The following CNTNAP2 variants were observed in gnomAD, a reference collection of about 807,000 sequenced individuals.
The protein encoded by CNTNAP2 is contactin associated protein 2, also known as contactin-associated protein-like 2.
CNTNAP2 carries 98 observed loss-of-function variants against 155.2 expected under a neutral mutation model. The ratio of observed to expected loss-of-function variants is 0.63; its 90% CI spans 0.54 to 0.75. The LOEUF (loss-of-function observed/expected upper bound fraction) is 0.75, where lower values mean the gene tolerates loss of function less well. Among genes scored for constraint, CNTNAP2 ranks in the 30% least tolerant of loss-of-function variants. The pLI is 0.00. For missense variants in CNTNAP2, 1,727 were observed against 1,688.1 expected, an observed-to-expected ratio of 1.02 and a Z score of -0.40; for synonymous variants, 651 against 631.2, an observed-to-expected ratio of 1.03 and a Z score of -0.47.
At chr7:147,869,522 A>T (rs1799292150) in intron 13 of CNTNAP2, among the ~76,000 whole-genome samples, 1 of 152,254 alleles carries the variant, frequency 6.6e-6, no homozygotes, top group South Asian at 2.1e-4. Context: ...ACCCTGGAAG[A>T]GGGAGAATCA....
chr7:148,017,652 GT>G (rs1461418569), intron 15 of CNTNAP2, among the ~76,000 whole-genome samples: 1 of 152,144 alleles, frequency 6.6e-6, no homozygotes, highest in Non-Finnish European at 1.5e-5. Context: ...ATCTAAACCA[GT>G]TCAGATTAAA....
intron 1 of CNTNAP2, among the ~76,000 whole-genome samples, chr7:146,413,936 C>T (rs184511955): frequency 3.4e-4 from 52 of 152,242 alleles, no homozygotes; most frequent in Admixed American, 1.7e-3. Flanking sequence ...AGAGTATTAA[C>T]GACCTTATAG....
At chr7:147,052,169 G>A (rs1158121262) in intron 4 of CNTNAP2, among the ~76,000 whole-genome samples, 1 of 152,042 alleles carries the variant, frequency 6.6e-6, no homozygotes, top group African/African-American at 2.4e-5. Context: ...AATGAGTCAT[G>A]TGTTTATTTT....
intron 1 of CNTNAP2, among the ~76,000 whole-genome samples, chr7:146,702,519 G>T (rs1313920735): frequency 6.6e-6 from 1 of 152,110 alleles, no homozygotes; most frequent in African/African-American, 2.4e-5. Flanking sequence ...TGCCTGCATT[G>T]TTGAGTACAG....
intron 3 of CNTNAP2, among the ~76,000 whole-genome samples, chr7:147,032,308 A>AT (rs1350751965): frequency 6.6e-6 from 1 of 152,216 alleles, no homozygotes; most frequent in Non-Finnish European, 1.5e-5. Flanking sequence ...CCCACTATGC[A>AT]TTTATCAAAT....
At chr7:146,377,815 C>T (rs375295726) in intron 1 of CNTNAP2, among the ~76,000 whole-genome samples, 1 of 152,192 alleles carries the variant, frequency 6.6e-6, no homozygotes, top group African/African-American at 2.4e-5. Context: ...ATAAAAGAAA[C>T]ATTCATCATG....
chr7:146,900,539 G>A (rs1163651891), intron 3 of CNTNAP2, among the ~76,000 whole-genome samples: 3 of 152,048 alleles, frequency 2.0e-5, no homozygotes, highest in Non-Finnish European at 2.9e-5. Flanking sequence ...GGCTGATAGG[G>A]CCTTATCCAG....
intron 1 of CNTNAP2, among the ~76,000 whole-genome samples, chr7:146,385,657 T>C (rs1795450135): frequency 1.3e-5 from 2 of 152,244 alleles, no homozygotes; most frequent in South Asian, 2.1e-4. Flanking sequence ...GCTTTTCTGC[T>C]GTCTCCTCAC....
At chr7:146,163,513 A>ATC (rs1280266377) in intron 1 of CNTNAP2, among the ~76,000 whole-genome samples, 2 of 53,172 alleles carry the variant, frequency 3.8e-5, no homozygotes, top group Non-Finnish European at 8.6e-5. Flanking sequence ...ATATCTATAT[A>ATC]TATCTATATA....
chr7:146,354,582 T>C (rs1794970705), intron 1 of CNTNAP2, among the ~76,000 whole-genome samples: 1 of 151,848 alleles, frequency 6.6e-6, no homozygotes, highest in Non-Finnish European at 1.5e-5. Context: ...GCCAGGCTAG[T>C]TTTTGTATTT....
chr7:147,820,280 T>C (rs2116620586), intron 13 of CNTNAP2, among the ~76,000 whole-genome samples: 1 of 152,250 alleles, frequency 6.6e-6, no homozygotes, highest in Admixed American at 6.5e-5. Context: ...TTTTATTTGC[T>C]TATTGGTTAT....
At chr7:146,401,842 CTTTAT>C (rs1795719213) in intron 1 of CNTNAP2, among the ~76,000 whole-genome samples, 1 of 152,120 alleles carries the variant, frequency 6.6e-6, no homozygotes, top group Non-Finnish European at 1.5e-5. Flanking sequence ...TACAACAAAA[CTTTAT>C]TTTATCACTG....
At chr7:146,300,279 C>T (rs1013409600) in intron 1 of CNTNAP2, among the ~76,000 whole-genome samples, 3 of 152,062 alleles carry the variant, frequency 2.0e-5, no homozygotes, top group South Asian at 2.1e-4. Flanking sequence ...TAAATTAAAT[C>T]GTGTCCTTAA....
chr7:146,409,029 G>A (rs1048276303), intron 1 of CNTNAP2, among the ~76,000 whole-genome samples: 1 of 151,950 alleles, frequency 6.6e-6, no homozygotes, highest in African/African-American at 2.4e-5. Flanking sequence ...TCCTTGCAAC[G>A]ATCCTACAAC....
chr7:146,682,813 C>CTTT (rs1800528329), intron 1 of CNTNAP2, among the ~76,000 whole-genome samples: 1 of 152,076 alleles, frequency 6.6e-6, no homozygotes, highest in South Asian at 2.1e-4. Flanking sequence ...AAGAAAAATT[C>CTTT]AATATTAAAG....
chr7:148,239,536 A>G (rs1243996802), intron 20 of CNTNAP2, among the ~76,000 whole-genome samples: 1 of 152,210 alleles, frequency 6.6e-6, no homozygotes, highest in Admixed American at 6.5e-5. Flanking sequence ...AGACACATCA[A>G]AAACCTCATG....
chr7:146,370,066 A>G (rs78827062), intron 1 of CNTNAP2, among the ~76,000 whole-genome samples: 3 of 151,544 alleles, frequency 2.0e-5, no homozygotes, highest in Admixed American at 2.0e-4. Flanking sequence ...TTTTGTTCTT[A>G]TTGTTGTTTT....
At chr7:146,230,482 A>C (rs1486743923) in intron 1 of CNTNAP2, among the ~76,000 whole-genome samples, 1 of 152,244 alleles carries the variant, frequency 6.6e-6, no homozygotes, top group Admixed American at 6.5e-5. Context: ...GTTTATAGAC[A>C]GTAAATATAC....
At chr7:147,351,701 A>G (rs542550846) in intron 9 of CNTNAP2, among the ~76,000 whole-genome samples, 20 of 151,888 alleles carry the variant, frequency 1.3e-4, no homozygotes, top group East Asian at 7.8e-4. Context: ...CAGTTAATCA[A>G]TAATTTGTAT....
Sources: allele counts gnomAD v4.1 joint callset (sites outside exome capture counted in the v4.1 genomes callset), GRCh38; gene constraint gnomAD v4.1.1; transcripts MANE v1.5; gene names NCBI Gene and HGNC (gene_info 2026-07-23, HGNC 2026-07-21).